Variants in AGBL4 observed in about 807,000 individuals in gnomAD.
The protein encoded by AGBL4 is AGBL carboxypeptidase 4.
In AGBL4, 58 loss-of-function variants were observed where a neutral mutation model predicts 66.4. The observed-to-expected ratio is 0.87, with a 90% CI of 0.71 to 1.09. The LOEUF (loss-of-function observed/expected upper bound fraction) is 1.09, where lower values mean the gene tolerates loss of function less well. AGBL4 is among the 50% of genes least tolerant of loss of function. AGBL4 has a pLI of 0.00. For missense variants in AGBL4, 579 were observed against 631.0 expected (o/e 0.92, Z 0.88); for synonymous variants, 234 against 222.9 (o/e 1.05, Z -0.44).
intron 3 of AGBL4, among the ~76,000 whole-genome samples, chr1:49,544,055 G>A (rs757907491): frequency 2.0e-5 from 3 of 152,112 alleles, no homozygotes; most frequent in African/African-American, 4.8e-5. Context: ...CTGTGCCTGC[G>A]CTGCCTTTTC....
intron 3 of AGBL4, among the ~76,000 whole-genome samples, chr1:49,252,552 T>G (rs972076864): frequency 1.4e-4 from 21 of 152,138 alleles, no homozygotes; most frequent in African/African-American, 4.8e-4. Context: ...ATTCAGGAAA[T>G]GTAGAGAACT....
intron 3 of AGBL4, among the ~76,000 whole-genome samples, chr1:49,595,141 T>A (rs535748015): frequency 1.3e-5 from 2 of 152,236 alleles, no homozygotes; most frequent in East Asian, 3.9e-4. Flanking sequence ...CAGGCTGGAG[T>A]GCAGTGGCAC....
At chr1:49,861,135 C>G (rs1482344433) in intron 1 of AGBL4, among the ~76,000 whole-genome samples, 1 of 152,040 alleles carries the variant, frequency 6.6e-6, no homozygotes, top group Non-Finnish European at 1.5e-5. Flanking sequence ...TTGTGAGTGC[C>G]CACACACCTT....
chr1:49,127,939 A>G (rs1645799512), intron 4 of AGBL4, among the ~76,000 whole-genome samples: 1 of 152,134 alleles, frequency 6.6e-6, no homozygotes, highest in African/African-American at 2.4e-5. Context: ...AGTCAATCAA[A>G]AATTAAAGAT....
chr1:49,640,580 T>C (rs1399909213), intron 3 of AGBL4, among the ~76,000 whole-genome samples: 1 of 152,090 alleles, frequency 6.6e-6, no homozygotes, highest in Non-Finnish European at 1.5e-5. Context: ...ACAATTGAAA[T>C]TCTAAAGATG....
chr1:48,709,548 C>T (rs1646930924), intron 6 of AGBL4, among the ~76,000 whole-genome samples: 1 of 151,336 alleles, frequency 6.6e-6, no homozygotes, highest in Non-Finnish European at 1.5e-5. Flanking sequence ...TAAATAGCAA[C>T]AGCTAACCTT....
intron 2 of AGBL4, chr1:49,841,997 A>T: frequency 2.2e-6 from 1 of 458,700 alleles, no homozygotes; most frequent in East Asian, 5.1e-5. Flanking sequence ...TCCTCCTCAC[A>T]CCCGGCCTCC....
intron 5 of AGBL4, among the ~76,000 whole-genome samples, chr1:48,973,501 C>CTTTAGCTGGGCTAA (rs1571136701): frequency 6.6e-6 from 1 of 152,088 alleles, no homozygotes; most frequent in Non-Finnish European, 1.5e-5. Flanking sequence ...CTAAAGAAAA[C>CTTTAGCTGGGCTAA]AGTTAGTGGC....
chr1:48,867,787 T>C (rs1367392309), intron 5 of AGBL4, among the ~76,000 whole-genome samples: 2 of 152,226 alleles, frequency 1.3e-5, no homozygotes. Context: ...CCATTCCTTT[T>C]CTAACTGAAT....
intron 4 of AGBL4, among the ~76,000 whole-genome samples, chr1:49,205,128 T>C (rs1648031448): frequency 6.6e-6 from 1 of 152,132 alleles, no homozygotes; most frequent in South Asian, 2.1e-4. Flanking sequence ...GTGCTTCTTA[T>C]CTCCTTATCA....
chr1:49,004,258 G>A (rs533268004), intron 5 of AGBL4, among the ~76,000 whole-genome samples: 10 of 152,240 alleles, frequency 6.6e-5, no homozygotes, highest in African/African-American at 2.4e-4. Context: ...CTGGTAAGCG[G>A]CTCCTAGTGT....
intron 3 of AGBL4, among the ~76,000 whole-genome samples, chr1:49,440,534 G>A (rs1000405234): frequency 2.0e-5 from 3 of 152,136 alleles, no homozygotes; most frequent in African/African-American, 7.2e-5. Flanking sequence ...GGAGAACCAA[G>A]GAACATAATA....
chr1:48,873,373 G>A (rs1476632856), intron 5 of AGBL4, among the ~76,000 whole-genome samples: 5 of 152,102 alleles, frequency 3.3e-5, no homozygotes, highest in African/African-American at 1.2e-4. Context: ...TTGTTATTTG[G>A]CTCTTAACTC....
chr1:49,565,616 G>A (rs927469547), intron 3 of AGBL4, among the ~76,000 whole-genome samples: 15 of 152,226 alleles, frequency 9.9e-5, no homozygotes, highest in Admixed American at 2.0e-4. Flanking sequence ...TTCTTTAAGA[G>A]TGTTGAATAT....
intron 6 of AGBL4, among the ~76,000 whole-genome samples, chr1:48,732,273 T>C (rs1252079111): frequency 1.3e-5 from 2 of 152,170 alleles, no homozygotes; most frequent in African/African-American, 2.4e-5. Flanking sequence ...CAATGTCATG[T>C]GGGCATCTGT....
intron 9 of AGBL4, among the ~76,000 whole-genome samples, chr1:48,618,521 G>A (rs1027681917): frequency 2.0e-5 from 3 of 152,136 alleles, no homozygotes; most frequent in African/African-American, 4.8e-5. Flanking sequence ...TTAGTTTGGA[G>A]CACCTCTTTA....
chr1:48,713,013 A>T (rs1320443131), intron 6 of AGBL4, among the ~76,000 whole-genome samples: 1 of 152,162 alleles, frequency 6.6e-6, no homozygotes, highest in African/African-American at 2.4e-5. Context: ...TACTTTGGAG[A>T]GACAGCAGCT....
chr1:49,296,044 G>T (rs1644637502), intron 3 of AGBL4, among the ~76,000 whole-genome samples: 1 of 152,074 alleles, frequency 6.6e-6, no homozygotes. Flanking sequence ...GCGTATTATT[G>T]AGATAAATGG....
chr1:49,842,530 A>T (rs898222212), intron 2 of AGBL4: 1 of 987,570 alleles, frequency 1.0e-6, no homozygotes, highest in African/African-American at 1.7e-5. Context: ...ACTCAGTCTT[A>T]GTGAAGATTT....
Sources: allele counts gnomAD v4.1 joint callset (sites outside exome capture counted in the v4.1 genomes callset), GRCh38; gene constraint gnomAD v4.1.1; transcripts MANE v1.5; gene names NCBI Gene and HGNC (gene_info 2026-07-23, HGNC 2026-07-21).